The following KIF26B variants were observed in gnomAD, a reference collection of about 807,000 sequenced individuals.
KIF26B encodes the protein kinesin-like protein KIF26B.
KIF26B carries 63 observed loss-of-function variants against 151.2 expected under a neutral mutation model. The observed-to-expected ratio is 0.42, with a 90% CI of 0.34 to 0.51. The LOEUF (loss-of-function observed/expected upper bound fraction) is 0.51, where lower values mean the gene tolerates loss of function less well. Ranked by LOEUF, KIF26B falls within the 20% of genes least tolerant of loss-of-function variation. KIF26B has a pLI of 0.07. For missense variants in KIF26B, 2,813 were observed against 2,913.6 expected, an observed-to-expected ratio of 0.97 and a Z score of 0.79; for synonymous variants, 1,357 against 1,262.1, an observed-to-expected ratio of 1.08 and a Z score of -1.59.
intron 3 of KIF26B, among the ~76,000 whole-genome samples, chr1:245,395,325 G>T (rs1069213): frequency 2.0e-5 from 3 of 152,024 alleles, no homozygotes; most frequent in South Asian, 2.1e-4. Context: ...TGCTTGATTT[G>T]GTTCTTATAT....
intron 2 of KIF26B, among the ~76,000 whole-genome samples, chr1:245,353,046 T>C (rs1165177422): frequency 2.6e-5 from 4 of 152,234 alleles, no homozygotes; most frequent in Admixed American, 1.3e-4. Flanking sequence ...AAGTAGACAA[T>C]GTATATGAAT....
chr1:245,646,300 A>G lies in KIF26B; in HGVS notation c.2258+20A>G, dbSNP rs746963269. 7 of 1,611,792 alleles carry G rather than the reference A, an allele frequency of 4.3e-6. No individual in the cohort carries two copies. In the African/African-American group the frequency reaches 6.7e-5, roughly 15 times the overall value. On this transcript the variant is annotated intron_variant, in intron 10 of 14. Transcript: ENST00000407071. The stretch of plus-strand genomic sequence containing the variant: ...ATACAAGTAAGTGACTCTTCTACTC[A>G]AAGAATGTGGTGGGGTAAGCATGGT...
At position 245,233,346 on chromosome 1, in the gene KIF26B, A is replaced by G. The variant is rs114051720; in HGVS notation, c.465+76663A>G. Among the ~76,000 whole-genome samples the G allele has an allele frequency of 7.6e-3, 1,163 of 152,316 alleles. 15 individuals are homozygous for G. The highest frequency in any genetic ancestry group is 0.024 in the African/African-American group (1,001 of 41,570). ...TGGAATCACATAGACCCCAAGTTTT[A>G]GGCATGGCAAAACTTTATGCACAAT... is the stretch of plus-strand genomic sequence containing the variant. On this transcript the variant is annotated intron_variant, in intron 2 of 14. Coordinates refer to ENST00000407071, the MANE Select transcript of KIF26B (RefSeq NM_018012.4).
chr1:245,344,496 A>C (rs1442250377), intron 2 of KIF26B, among the ~76,000 whole-genome samples: 1 of 113,206 alleles, frequency 8.8e-6, no homozygotes, highest in East Asian at 4.1e-4. Flanking sequence ...CTCCGTCTCA[A>C]AAAAAAAAAA....
At chr1:245,288,285 T>A (rs1671200560) in intron 2 of KIF26B, among the ~76,000 whole-genome samples, 1 of 152,166 alleles carries the variant, frequency 6.6e-6, no homozygotes, top group South Asian at 2.1e-4. Context: ...GAGTGAGCAG[T>A]GTAAAATGAT....
At chr1:245,377,695 G>A (rs903148237) in intron 3 of KIF26B, among the ~76,000 whole-genome samples, 12 of 152,156 alleles carry the variant, frequency 7.9e-5, no homozygotes, top group Non-Finnish European at 8.8e-5. Flanking sequence ...AAGTTGCAGA[G>A]GTAAAAGGTA....
At chr1:245,376,985 G>A (rs1229621927) in intron 3 of KIF26B, among the ~76,000 whole-genome samples, 2 of 151,974 alleles carry the variant, frequency 1.3e-5, no homozygotes, top group African/African-American at 4.8e-5. Flanking sequence ...ACTGTGCCTG[G>A]CTCACTGCAA....
intron 2 of KIF26B, among the ~76,000 whole-genome samples, chr1:245,271,582 CTTT>C (rs541575144): frequency 7.9e-6 from 1 of 127,008 alleles, no homozygotes; most frequent in East Asian, 2.4e-4. Context: ...CAGTCAAATG[CTTT>C]TTTTTTTTTT....
At chr1:245,494,277 C>T (rs557464321) in intron 4 of KIF26B, among the ~76,000 whole-genome samples, 1 of 151,376 alleles carries the variant, frequency 6.6e-6, no homozygotes, top group East Asian at 2.0e-4. Flanking sequence ...TTGCACTCCA[C>T]CCTGGGCAAC....
intron 5 of KIF26B, among the ~76,000 whole-genome samples, chr1:245,556,395 T>TTC (rs1662040815): frequency 8.5e-6 from 1 of 117,780 alleles, no homozygotes. Flanking sequence ...TTCTTCCTTC[T>TTC]TTCTTCTTTC....
At chr1:245,299,789 A>C (rs892031478) in intron 2 of KIF26B, among the ~76,000 whole-genome samples, 2 of 152,200 alleles carry the variant, frequency 1.3e-5, no homozygotes, top group African/African-American at 4.8e-5. Context: ...ATTCGAGTAA[A>C]TAATATCAGC....
At chr1:245,696,136 A>G (rs1184360720) in intron 12 of KIF26B, among the ~76,000 whole-genome samples, 1 of 152,186 alleles carries the variant, frequency 6.6e-6, no homozygotes, top group East Asian at 1.9e-4. Flanking sequence ...CGTATTTACC[A>G]GAGTTGGTCT....
At chr1:245,268,065 G>A (rs1335438404) in intron 2 of KIF26B, among the ~76,000 whole-genome samples, 1 of 152,084 alleles carries the variant, frequency 6.6e-6, no homozygotes, top group Non-Finnish European at 1.5e-5. Context: ...CTAGCACTTC[G>A]GGACATGGGG....
chr1:245,171,071 G>T (rs187965329), intron 2 of KIF26B, among the ~76,000 whole-genome samples: 280 of 152,322 alleles, frequency 1.8e-3, no homozygotes, highest in Middle Eastern at 6.8e-3. Context: ...AATGCAGTGA[G>T]CTGGTTTTGA....
intron 2 of KIF26B, among the ~76,000 whole-genome samples, chr1:245,181,823 G>C (rs1434506564): frequency 2.6e-5 from 4 of 152,162 alleles, no homozygotes; most frequent in Non-Finnish European, 5.9e-5. Flanking sequence ...AAAGGAGGCA[G>C]GGACAGTGAG....
intron 5 of KIF26B, among the ~76,000 whole-genome samples, chr1:245,545,252 C>T (rs1415174505): frequency 6.6e-6 from 1 of 152,184 alleles, no homozygotes; most frequent in East Asian, 1.9e-4. Context: ...CAGGCATGCG[C>T]CACCACACCC....
chr1:245,588,851 G>A (rs538393692), intron 5 of KIF26B, among the ~76,000 whole-genome samples: 2 of 152,288 alleles, frequency 1.3e-5, no homozygotes, highest in South Asian at 2.1e-4. Flanking sequence ...TGGAAGAACT[G>A]ATGGGGAAAG....
intron 5 of KIF26B, among the ~76,000 whole-genome samples, chr1:245,554,759 A>C (rs1314786134): frequency 6.6e-6 from 1 of 152,174 alleles, no homozygotes; most frequent in Non-Finnish European, 1.5e-5. Flanking sequence ...GCAGCCAGGG[A>C]AGGCTGCACC....
intron 2 of KIF26B, among the ~76,000 whole-genome samples, chr1:245,305,463 T>C (rs1489460313): frequency 6.6e-6 from 1 of 152,132 alleles, no homozygotes; most frequent in African/African-American, 2.4e-5. Context: ...AAAGAAGATA[T>C]ACAGATGGCC....
Sources: allele counts gnomAD v4.1 joint callset (sites outside exome capture counted in the v4.1 genomes callset), GRCh38; gene constraint gnomAD v4.1.1; transcripts MANE v1.5; gene names NCBI Gene and HGNC (gene_info 2026-07-23, HGNC 2026-07-21).